Variants in PLEKHA5 observed in about 807,000 individuals in gnomAD.
PLEKHA5 encodes the protein pleckstrin homology domain containing A5, also known as pleckstrin homology domain-containing family A member 5.
In PLEKHA5, 55 loss-of-function variants were observed where a neutral mutation model predicts 181.9. The observed-to-expected ratio is 0.30, with a 90% CI of 0.24 to 0.38. PLEKHA5 has a LOEUF of 0.38. Ranked by LOEUF, PLEKHA5 falls within the 10% of genes least tolerant of loss-of-function variation. The probability of loss-of-function intolerance (pLI) is 1.00; values close to 1 mark genes in which losing one functional copy is unlikely to be tolerated. For missense variants in PLEKHA5, 1,432 were observed against 1,549.5 expected (o/e 0.92, Z 1.27); for synonymous variants, 535 against 529.4 (o/e 1.01, Z -0.15).
chr12:19,242,763 C>T (rs2062906985), intron 3 of PLEKHA5, among the ~76,000 whole-genome samples: 1 of 152,098 alleles, frequency 6.6e-6, no homozygotes, highest in Non-Finnish European at 1.5e-5. Flanking sequence ...CATATTTTCT[C>T]ACTGGGGTTT....
intron 11 of PLEKHA5, among the ~76,000 whole-genome samples, chr12:19,281,096 C>T (rs2076023233): frequency 6.6e-6 from 1 of 152,072 alleles, no homozygotes; most frequent in African/African-American, 2.4e-5. Flanking sequence ...ATTAGCCACA[C>T]ATGGTGGCAT....
chr12:19,241,254 C>T (rs1382285723), intron 3 of PLEKHA5, among the ~76,000 whole-genome samples: 1 of 152,080 alleles, frequency 6.6e-6, no homozygotes, highest in Non-Finnish European at 1.5e-5. Context: ...ATAATTTATC[C>T]TTTTAAAGGG....
At chr12:19,359,385 T>G (rs754622021) in intron 27 of PLEKHA5, 27 bp from the exon 28 acceptor site, 2 of 1,604,348 alleles carry the variant, frequency 1.2e-6, no homozygotes, top group Non-Finnish European at 1.7e-6. Context: ...AGTATGAGTA[T>G]AAAAATGCTA....
rs894156022 is a variant in PLEKHA5, at chr12:19,361,435, G to A, written c.3484-147G>A. On this transcript the variant is annotated intron_variant, in intron 28 of 31. Transcript: ENST00000429027. ...CCTGACCTCGTGATCCGCCCTTCTCGGCCTCCCAAAGTGCTGGGATTACAG... is the reference window on the plus strand; with the variant it reads ...CCTGACCTCGTGATCCGCCCTTCTCAGCCTCCCAAAGTGCTGGGATTACAG... 89 of 530,844 alleles carry A rather than the reference G, an allele frequency of 1.7e-4. No homozygotes were observed. In the Middle Eastern group the frequency reaches 2.1e-3, roughly 13 times the overall value. The allele number at this position is 530,844 out of a possible 1,614,324, so 32.9% of individuals were successfully genotyped here.
chr12:19,288,585 T>A (rs886556444), intron 13 of PLEKHA5, among the ~76,000 whole-genome samples: 16 of 152,354 alleles, frequency 1.1e-4, no homozygotes, highest in African/African-American at 3.4e-4. Context: ...ATCAAATTCA[T>A]CTTATGTGTT....
At chr12:19,245,759 T>C (rs1209436610) in intron 3 of PLEKHA5, among the ~76,000 whole-genome samples, 1 of 149,858 alleles carries the variant, frequency 6.7e-6, no homozygotes, top group African/African-American at 2.5e-5. Flanking sequence ...AACCTTCCTT[T>C]TAACTCTAGA....
intron 3 of PLEKHA5, among the ~76,000 whole-genome samples, chr12:19,196,958 TAGAG>T (rs1303380122): frequency 6.6e-6 from 1 of 152,134 alleles, no homozygotes; most frequent in Non-Finnish European, 1.5e-5. Context: ...CTGGCTGTGA[TAGAG>T]TAAGAATTTA....
At chr12:19,321,059 C>T (rs117570237) in intron 18 of PLEKHA5, among the ~76,000 whole-genome samples, 5,503 of 151,662 alleles carry the variant, frequency 0.036, 152 homozygotes, top group Non-Finnish European at 0.052. Flanking sequence ...CCCAGCTACT[C>T]GGGAGTCTGA....
chr12:19,211,926 T>C (rs181518276), intron 3 of PLEKHA5, among the ~76,000 whole-genome samples: 38 of 152,324 alleles, frequency 2.5e-4, no homozygotes, highest in African/African-American at 8.2e-4. Flanking sequence ...TTGGCTGTTA[T>C]CTCCATTCCT....
chr12:19,298,397 TA>T (rs1177465231), intron 15 of PLEKHA5, among the ~76,000 whole-genome samples: 1 of 151,062 alleles, frequency 6.6e-6, no homozygotes, highest in Non-Finnish European at 1.5e-5. Flanking sequence ...TAATCTGTCC[TA>T]TTTTTTTAGC....
chr12:19,244,472 A>T (rs969627795), intron 3 of PLEKHA5, among the ~76,000 whole-genome samples: 1 of 152,188 alleles, frequency 6.6e-6, no homozygotes, highest in African/African-American at 2.4e-5. Context: ...ATTATTGTGG[A>T]TGTGTGGCAG....
intron 3 of PLEKHA5, among the ~76,000 whole-genome samples, chr12:19,189,360 G>T (rs1044791776): frequency 6.6e-6 from 1 of 152,224 alleles, no homozygotes; most frequent in African/African-American, 2.4e-5. Context: ...GAAAGTGTCA[G>T]CAGAGATGGA....
intron 11 of PLEKHA5, among the ~76,000 whole-genome samples, chr12:19,280,663 T>C (rs1351192313): frequency 6.6e-6 from 1 of 152,198 alleles, no homozygotes; most frequent in Non-Finnish European, 1.5e-5. Context: ...TTGATTTTGA[T>C]ATTAGGATAT....
At chr12:19,231,744 A>G (rs2060655578) in intron 3 of PLEKHA5, among the ~76,000 whole-genome samples, 1 of 151,388 alleles carries the variant, frequency 6.6e-6, no homozygotes, top group South Asian at 2.1e-4. Context: ...ATTTTTACAA[A>G]CCTAATTTTT....
At chr12:19,238,799 CAAAAAAAAAAA>C in intron 3 of PLEKHA5, among the ~76,000 whole-genome samples, 1 of 85,496 alleles carries the variant, frequency 1.2e-5, no homozygotes, top group Non-Finnish European at 2.4e-5. Context: ...TAAATCTGGC[CAAAAAAAAAAA>C]AAAAAAAAAA....
In PLEKHA5 at chr12:19,376,156, A is replaced by C. The variant is rs1228577319; in HGVS notation, c.*637A>C. The C allele has an allele frequency of 6.6e-6, 1 of 152,374 alleles. No homozygotes were observed. The allele number at this position is 152,374 out of a possible 1,614,324, so 9.4% of individuals were successfully genotyped here. On this transcript the variant is annotated 3_prime_UTR_variant, in exon 32 of 32. Coordinates refer to ENST00000429027, the MANE Select transcript of PLEKHA5 (RefSeq NM_001256470.2). The stretch of plus-strand genomic sequence containing the variant: ...TACTGCTTATCTTTTCTTAAAAAAA[A>C]AAAAAACAAAGTGTAGGTATTTTGA...
At chr12:19,336,652 T>C (rs1242118908) in intron 21 of PLEKHA5, 36 bp downstream of exon 21, 2 of 1,145,220 alleles carry the variant, frequency 1.7e-6, no homozygotes, top group Non-Finnish European at 2.6e-6. Context: ...TTGTTTTAAC[T>C]GTTTTTACTG....
chr12:19,223,852 T>C (rs1219329166), intron 3 of PLEKHA5, among the ~76,000 whole-genome samples: 1 of 152,158 alleles, frequency 6.6e-6, no homozygotes, highest in Non-Finnish European at 1.5e-5. Context: ...GGACCGCTAC[T>C]CCAAAGTTGT....
At chr12:19,163,226 G>T (rs1481437811) in intron 3 of PLEKHA5, among the ~76,000 whole-genome samples, 2 of 151,460 alleles carry the variant, frequency 1.3e-5, no homozygotes, top group Non-Finnish European at 2.9e-5. Flanking sequence ...GCCCAGGCTG[G>T]AGTGCAGTGG....
Sources: allele counts gnomAD v4.1 joint callset (sites outside exome capture counted in the v4.1 genomes callset), GRCh38; gene constraint gnomAD v4.1.1; transcripts MANE v1.5; gene names NCBI Gene and HGNC (gene_info 2026-07-23, HGNC 2026-07-21).